Variants in GYS2 observed in about 807,000 individuals in gnomAD.
GYS2 encodes the protein glycogen synthase 2.
GYS2 carries 80 observed loss-of-function variants against 85.6 expected under a neutral mutation model. The ratio of observed to expected loss-of-function variants is 0.93; its 90% CI spans 0.78 to 1.13. The LOEUF is 1.13. GYS2 is among the 50% of genes most tolerant of loss of function. The probability of loss-of-function intolerance (pLI) is 0.00; values close to 1 mark genes in which losing one functional copy is unlikely to be tolerated. For synonymous variants in GYS2, 328 were observed against 300.7 expected (o/e 1.09, Z -0.94); for missense variants, 881 against 854.9 (o/e 1.03, Z -0.38).
intron 1 of GYS2, among the ~76,000 whole-genome samples, chr12:21,600,048 G>A (rs1944737857): frequency 1.3e-5 from 2 of 152,260 alleles, no homozygotes; most frequent in Non-Finnish European, 2.9e-5. Flanking sequence ...TCCAAATCAT[G>A]CAGTCTGACT....
intron 1 of GYS2, among the ~76,000 whole-genome samples, chr12:21,592,206 GA>G (rs1271813472): frequency 1.5e-5 from 2 of 129,846 alleles, no homozygotes; most frequent in Non-Finnish European, 3.3e-5. Context: ...AAGGAAGGAA[GA>G]AAAAAACACA....
At chr12:21,567,802 C>T (rs976199133) in intron 5 of GYS2, among the ~76,000 whole-genome samples, 2 of 152,056 alleles carry the variant, frequency 1.3e-5, no homozygotes, top group African/African-American at 2.4e-5. Flanking sequence ...TGGCTGGCCG[C>T]GGTAGCTCAC....
At chr12:21,548,842 A>G (rs1008986154) in intron 11 of GYS2, among the ~76,000 whole-genome samples, 1 of 151,968 alleles carries the variant, frequency 6.6e-6, no homozygotes, top group Non-Finnish European at 1.5e-5. Flanking sequence ...GGGGGCACGT[A>G]TTTTGCCCAA....
chr12:21,585,337 C>T (rs773826881), intron 1 of GYS2, among the ~76,000 whole-genome samples: 1 of 152,108 alleles, frequency 6.6e-6, no homozygotes, highest in Non-Finnish European at 1.5e-5. Context: ...AGTCAACAGG[C>T]TAAGAAGAGA....
At chr12:21,585,247 C>T (rs562756781) in intron 1 of GYS2, among the ~76,000 whole-genome samples, 5 of 152,236 alleles carry the variant, frequency 3.3e-5, no homozygotes, top group South Asian at 2.1e-4. Flanking sequence ...GGAACACTGC[C>T]GCCAGGTGAC....
intron 1 of GYS2, among the ~76,000 whole-genome samples, chr12:21,590,351 C>A (rs1205645271): frequency 6.6e-6 from 1 of 152,190 alleles, no homozygotes; most frequent in Non-Finnish European, 1.5e-5. Flanking sequence ...GTCTGGGAAC[C>A]CAGAGACAGC....
At chr12:21,579,085 C>T (rs905369966) in intron 2 of GYS2, among the ~76,000 whole-genome samples, 1 of 152,092 alleles carries the variant, frequency 6.6e-6, no homozygotes, top group African/African-American at 2.4e-5. Flanking sequence ...ACCAATGGCC[C>T]AAATATTACC....
chr12:21,588,107 C>CT (rs1449373536), intron 1 of GYS2, among the ~76,000 whole-genome samples: 2 of 152,170 alleles, frequency 1.3e-5, no homozygotes, highest in Non-Finnish European at 2.9e-5. Flanking sequence ...TCAAGAAATC[C>CT]TTTGTGAAAT....
chr12:21,568,055 G>C (rs768108821), intron 5 of GYS2, among the ~76,000 whole-genome samples: 10 of 151,480 alleles, frequency 6.6e-5, no homozygotes, highest in Non-Finnish European at 1.0e-4. Context: ...CTGGGCAATG[G>C]AGCAAGACTC....
intron 11 of GYS2, among the ~76,000 whole-genome samples, chr12:21,552,420 G>A (rs958359650): frequency 2.1e-4 from 14 of 65,854 alleles, no homozygotes; most frequent in Non-Finnish European, 5.3e-4. Context: ...ACTTATCAAT[G>A]CACTCTGAGA....
At chr12:21,583,297 C>G (rs967728853) in intron 1 of GYS2, among the ~76,000 whole-genome samples, 4 of 152,282 alleles carry the variant, frequency 2.6e-5, no homozygotes, top group Middle Eastern at 3.4e-3. Flanking sequence ...TGAGATATTC[C>G]TTCTAAAGTG....
At chr12:21,546,202 TAAATC>T in intron 12 of GYS2, 137 bp downstream of exon 12, 1 of 579,918 alleles carries the variant, frequency 1.7e-6, no homozygotes, top group East Asian at 3.1e-5. Context: ...ATCCCTGTGA[TAAATC>T]CAACCAAAAT....
intron 4 of GYS2, among the ~76,000 whole-genome samples, chr12:21,570,576 G>A (rs1944374077): frequency 6.6e-6 from 1 of 152,226 alleles, no homozygotes; most frequent in Non-Finnish European, 1.5e-5. Context: ...ATTTGGACCA[G>A]GATATGAAAG....
rs558663869 is a variant in GYS2 at position 21,598,351 on chromosome 12, C to T, written c.121+6121G>A. Among the ~76,000 whole-genome samples, 19 of 152,050 alleles carry T rather than the reference C, an allele frequency of 1.2e-4. No individual in the cohort carries two copies. In the East Asian group the frequency reaches 3.5e-3, roughly 28 times the overall value. ...ACGTCATATATCAATAAAAGAAAGT[C>T]GATCTCATATTGGTTGAGGCCTGAT... On this transcript the variant is annotated intron_variant, in intron 1 of 15. Transcript: ENST00000261195.
rs1944789933 is a variant in GYS2 at position 21,604,847 on chromosome 12, T to C, written c.-255A>G. On this transcript the variant is annotated 5_prime_UTR_variant, in exon 1 of 16. Transcript: ENST00000261195. ...GGACGGTATCTGCCCTGTCAGTATC[T>C]ACCCAAACAATCCAGAGCTGTCAAC... is the stretch of plus-strand genomic sequence containing the variant. The C allele has an allele frequency of 8.0e-7, 1 of 1,250,040 alleles. No homozygotes were observed. The highest frequency in any genetic ancestry group is 1.5e-5 in the African/African-American group (1 of 64,708). The allele number at this position is 1,250,040 out of a possible 1,614,324, so 77.4% of individuals were successfully genotyped here.
In GYS2 at chr12:21,562,867, A is replaced by G. The variant is rs1473421; in HGVS notation, c.1062+51T>C. ...CCAAAAAATTCTTCACTTCCCACAG[A>G]AGAAAGTTCTCCCTACAAGAGTGTT... On this transcript the variant is annotated intron_variant, in intron 7 of 15. Coordinates refer to ENST00000261195, the MANE Select transcript of GYS2 (RefSeq NM_021957.4). The G allele has an allele frequency of 0.76, 1,218,302 of 1,602,176 alleles. 464,881 individuals carry two copies. The highest frequency in any genetic ancestry group is 0.79 in the South Asian group (71,107 of 90,152).
intron 1 of GYS2, among the ~76,000 whole-genome samples, chr12:21,598,398 C>G (rs1195928382): frequency 6.6e-6 from 1 of 152,076 alleles, no homozygotes; most frequent in Non-Finnish European, 1.5e-5. Context: ...CTTTGTCCCT[C>G]CAGACATTTC....
chr12:21,548,153 T>C (rs1404535410), intron 11 of GYS2, among the ~76,000 whole-genome samples: 2 of 152,206 alleles, frequency 1.3e-5, no homozygotes, highest in African/African-American at 4.8e-5. Context: ...CTTCATGAGT[T>C]CATCAGTAAT....
chr12:21,545,682 A>G (rs911192268), intron 12 of GYS2, among the ~76,000 whole-genome samples: 4 of 152,200 alleles, frequency 2.6e-5, no homozygotes, highest in African/African-American at 9.6e-5. Flanking sequence ...CTGAGAAACT[A>G]CCATCTGTTA....
Sources: gnomAD v4.1 joint callset for allele counts (sites outside exome capture counted in the v4.1 genomes callset) on GRCh38, gnomAD v4.1.1 for gene constraint, MANE v1.5 for transcripts, NCBI Gene and HGNC (gene_info 2026-07-23, HGNC 2026-07-21) for gene names.